The following ZNF280C variants were observed in gnomAD, a reference collection of about 807,000 sequenced individuals.
ZNF280C encodes the protein suppressor of hairy wing homolog 3.
ZNF280C carries 14 observed loss-of-function variants against 53.6 expected under a neutral mutation model. That is an observed-to-expected ratio of 0.26 (90% confidence interval 0.17 to 0.41). The LOEUF is 0.41. Ranked by LOEUF, ZNF280C falls within the 10% of genes least tolerant of loss-of-function variation. The probability of loss-of-function intolerance (pLI) is 1.00; values close to 1 mark genes in which losing one functional copy is unlikely to be tolerated. For synonymous variants in ZNF280C, 203 were observed against 181.1 expected, an observed-to-expected ratio of 1.12 and a Z score of -0.97; for missense variants, 416 against 547.1, an observed-to-expected ratio of 0.76 and a Z score of 2.39.
Position 130,210,093 on chromosome X carries a change from G to A in ZNF280C, c.1980-378C>T, listed in dbSNP as rs191974428. On this transcript the variant is annotated intron_variant, in intron 15 of 18. Coordinates refer to ENST00000370978, the MANE Select transcript of ZNF280C (RefSeq NM_017666.5). ...AGGAATGGGCCCTCACCCAGACACC[G>A]AATCTGCCGGCACCTTGATCGTGGA... is the stretch of plus-strand genomic sequence containing the variant. 2.1e-4 allele frequency among the ~76,000 whole-genome samples: 24 copies of A among 111,732 alleles called. No individual in the cohort carries two copies. In the East Asian group the frequency reaches 5.6e-3, roughly 26 times the overall value.
At chrX:130,243,494 C>A (rs766456513) in intron 5 of ZNF280C, 69 bp downstream of exon 5, 110 of 1,107,486 alleles carry the variant, frequency 9.9e-5, no homozygotes, top group Admixed American at 4.3e-4. Flanking sequence ...TGACAGATCA[C>A]AATTTTAACT....
At chrX:130,259,151 C>T (rs139635108) in intron 2 of ZNF280C, among the ~76,000 whole-genome samples, 1,695 of 112,020 alleles carry the variant, frequency 0.015, 15 homozygotes, top group Non-Finnish European at 0.024. Context: ...CTCAAACTGC[C>T]TATTTCTTAG....
intron 5 of ZNF280C, among the ~76,000 whole-genome samples, chrX:130,240,925 A>T (rs1435411836): frequency 8.9e-6 from 1 of 112,292 alleles, no homozygotes; most frequent in Non-Finnish European, 1.9e-5. Flanking sequence ...TTTAAAATGT[A>T]CTTGCCTCTT....
At position 130,207,089 on chromosome X, in the gene ZNF280C, TATG is replaced by T. The variant is rs779471893; in HGVS notation, c.2043-1677_2043-1675del. On this transcript the variant is annotated intron_variant, in intron 16 of 18. Coordinates refer to ENST00000370978, the MANE Select transcript of ZNF280C (RefSeq NM_017666.5). ...TGATTCTGAAGCCCATGCTCTTAAA[TATG>T]ATGTGATACCACCCCACCACCTCAG... Among the ~76,000 whole-genome samples, 394 of 111,334 alleles carry T rather than the reference TATG, an allele frequency of 3.5e-3. 3 individuals are homozygous for T. The highest frequency in any genetic ancestry group is 0.012 in the African/African-American group (374 of 30,642).
At chrX:130,220,184 A>G (rs2032148367) in intron 13 of ZNF280C, among the ~76,000 whole-genome samples, 165 bp downstream of exon 13, 1 of 110,104 alleles carries the variant, frequency 9.1e-6, no homozygotes, top group Non-Finnish European at 1.9e-5. Flanking sequence ...TTCCAATTCC[A>G]CTCTTTTAGT....
At chrX:130,222,330 A>ACACACACC (rs1491265281) in intron 12 of ZNF280C, among the ~76,000 whole-genome samples, 2 of 96,373 alleles carry the variant, frequency 2.1e-5, no homozygotes, top group African/African-American at 7.5e-5. Flanking sequence ...ACACACACAC[A>ACACACACC]CCCTTCTCTA....
At chrX:130,235,115 C>T (rs1244033660) in intron 8 of ZNF280C, among the ~76,000 whole-genome samples, 1 of 112,234 alleles carries the variant, frequency 8.9e-6, no homozygotes, top group African/African-American at 3.2e-5. Context: ...TTTCACTTTA[C>T]ACAAAAGATT....
Position 130,205,377 on chromosome X carries a change from G to C in ZNF280C, c.2081C>G (p.Ala694Gly). The C allele has an allele frequency of 8.3e-7, 1 of 1,207,097 alleles. No homozygotes were observed. The highest frequency in any genetic ancestry group is 1.1e-6 in the Non-Finnish European group (1 of 893,000). Residue 694 changes from alanine to glycine, a missense_variant, in exon 17 of 19, where the codon GCT becomes GGT. Transcript: ENST00000370978. ...CATACGATCTAAGCCGGAAGAATCA[G>C]CTAGGAAATCACATTTAAGGCACAC... ...TLVCLKCDFLADSSGLDRMAK... is the reference protein window; with the variant it reads ...TLVCLKCDFLGDSSGLDRMAK...
chrX:130,219,205 G>A (rs1050201449), intron 13 of ZNF280C, among the ~76,000 whole-genome samples: 8 of 111,396 alleles, frequency 7.2e-5, no homozygotes, highest in African/African-American at 2.0e-4. Context: ...GAAGTCAGAG[G>A]GCCAGGCGTG....
At chrX:130,227,024 C>T in intron 11 of ZNF280C, 119 bp from the exon 12 acceptor site, 1 of 576,973 alleles carries the variant, frequency 1.7e-6, no homozygotes, top group South Asian at 3.7e-5. Flanking sequence ...TCCAGCTCTG[C>T]TGCCTATACA....
chrX:130,244,510 G>A (rs997675539), intron 3 of ZNF280C, among the ~76,000 whole-genome samples: 2 of 111,140 alleles, frequency 1.8e-5, no homozygotes, highest in African/African-American at 6.5e-5. Flanking sequence ...AGGCGGGGTG[G>A]CTCACACCTG....
intron 14 of ZNF280C, 150 bp from the exon 15 acceptor site, chrX:130,215,483 C>A: frequency 1.8e-6 from 1 of 566,275 alleles, no homozygotes; most frequent in South Asian, 4.8e-5. Flanking sequence ...TTGAAACAAG[C>A]TAGAGTAAGT....
At position 130,236,200 on chromosome X, in the gene ZNF280C, G is replaced by A; in HGVS notation, c.771+14C>T. 1 of 1,135,215 alleles carries A rather than the reference G, an allele frequency of 8.8e-7. No homozygotes were observed. Among genetic ancestry groups the A allele is most frequent in the African/African-American group, 1.8e-5 (1 of 55,738 alleles). 93.6% of individuals were successfully genotyped at this position (1,135,215 alleles called of 1,213,427 possible). ...AAAACATTTTTAACAATTGAACTTTGAAAAAAGTTTTACCTTCATGTGGTA... is the reference window on the plus strand; with the variant it reads ...AAAACATTTTTAACAATTGAACTTTAAAAAAAGTTTTACCTTCATGTGGTA... On this transcript the variant is annotated intron_variant, in intron 8 of 18. Transcript: ENST00000370978.
intron 6 of ZNF280C, 115 bp from the exon 7 acceptor site, chrX:130,236,754 G>A: frequency 7.1e-6 from 3 of 423,494 alleles, no homozygotes; most frequent in Non-Finnish European, 1.2e-5. Context: ...AAAACAGTTT[G>A]GAACTAAGTT....
At chrX:130,231,951 C>T (rs181333460) in intron 8 of ZNF280C, among the ~76,000 whole-genome samples, 1 of 107,270 alleles carries the variant, frequency 9.3e-6, no homozygotes, top group African/African-American at 3.4e-5. Context: ...TGCTTGAACC[C>T]GTAAGGCGGA....
intron 6 of ZNF280C, among the ~76,000 whole-genome samples, chrX:130,238,615 T>C (rs920354209): frequency 5.4e-5 from 6 of 111,328 alleles, no homozygotes; most frequent in Non-Finnish European, 7.6e-5. Flanking sequence ...TCAGACTTTT[T>C]CCATGAATAA....
At chrX:130,262,507 C>T (rs781725107) in intron 1 of ZNF280C, among the ~76,000 whole-genome samples, 1 of 112,132 alleles carries the variant, frequency 8.9e-6, no homozygotes, top group East Asian at 2.8e-4. Flanking sequence ...CTAAAGTCAC[C>T]ACATCAGAAT....
At chrX:130,260,525 TTGAAACA>T in intron 1 of ZNF280C, 60 bp from the exon 2 acceptor site, 3 of 936,450 alleles carry the variant, frequency 3.2e-6, no homozygotes. Flanking sequence ...ACACCAAGTA[TTGAAACA>T]TGAAACCTGA....
At chrX:130,251,090 G>C (rs1018721013) in intron 2 of ZNF280C, among the ~76,000 whole-genome samples, 1 of 106,293 alleles carries the variant, frequency 9.4e-6, no homozygotes, top group African/African-American at 3.5e-5. Flanking sequence ...GAGTAAGACT[G>C]TCTCAAAAAA....
Sources: allele counts gnomAD v4.1 joint callset (sites outside exome capture counted in the v4.1 genomes callset), GRCh38; gene constraint gnomAD v4.1.1; transcripts MANE v1.5; gene names NCBI Gene and HGNC (gene_info 2026-07-23, HGNC 2026-07-21).